Variants in COL23A1 observed in about 807,000 individuals in gnomAD.
COL23A1 encodes the protein collagen type XXIII alpha 1 chain.
A neutral mutation model predicts 99.3 loss-of-function variants in COL23A1; 97 were observed. The ratio of observed to expected loss-of-function variants is 0.98; its 90% confidence interval spans 0.83 to 1.16. The LOEUF (loss-of-function observed/expected upper bound fraction) is 1.16, where lower values mean the gene tolerates loss of function less well. Ranked by LOEUF, COL23A1 falls within the 50% of genes most tolerant of loss-of-function variation. The pLI is 0.00. For missense variants in COL23A1, 762 were observed against 757.4 expected (o/e 1.01, Z -0.07); for synonymous variants, 320 against 308.2 (o/e 1.04, Z -0.40).
In COL23A1 at chr5:178,415,456, G is replaced by A. The variant is rs1452924124; in HGVS notation, c.362-108537C>T. On this transcript the variant is annotated intron_variant, in intron 2 of 28. Transcript: ENST00000390654. The surrounding 1 kb of genome is among the most constrained non-coding windows in gnomAD (Gnocchi z 4.6). ...TCCCCGGGCCCGGGCCCTGGAGCAC[G>A]GCTCACCCTGCTGCCTCTCTGCACA... 6.6e-6 allele frequency among the ~76,000 whole-genome samples: 1 copy of A among 152,006 alleles called. No individual in the cohort carries two copies. Among genetic ancestry groups the A allele is most frequent in the East Asian group, 1.9e-4 (1 of 5,174 alleles).
chr5:178,256,953 G>A, intron 13 of COL23A1, 25 bp from the exon 14 acceptor site: 1 of 1,610,842 alleles, frequency 6.2e-7, no homozygotes, highest in South Asian at 1.1e-5. Flanking sequence ...GCTGCAGTGA[G>A]AGCAAGTGTG....
intron 2 of COL23A1, among the ~76,000 whole-genome samples, chr5:178,477,576 A>G (rs17589948): frequency 0.35 from 53,289 of 152,044 alleles, 11,625 homozygotes; most frequent in Admixed American, 0.49. Flanking sequence ...TTGTACCCAA[A>G]GGGAGAAGTG....
Position 178,280,035 on chromosome 5 carries a change from C to T in COL23A1, c.441+8289G>A, listed in dbSNP as rs951234242. 6.6e-6 allele frequency among the ~76,000 whole-genome samples: 1 copy of T among 152,244 alleles called. No homozygotes were observed. The highest frequency in any genetic ancestry group is 2.4e-5 in the African/African-American group (1 of 41,464). On this transcript the variant is annotated intron_variant, in intron 5 of 28. Transcript: ENST00000390654. The surrounding 1 kb of genome is among the most constrained non-coding windows in gnomAD (Gnocchi z 4.9). The stretch of plus-strand genomic sequence containing the variant: ...AAATGCCGAAGCGCCTCGTACATAA[C>T]GAGAACACAGTAAATACCCGCTGAA...
intron 2 of COL23A1, among the ~76,000 whole-genome samples, chr5:178,347,226 A>G (rs1179369142): frequency 1.3e-5 from 2 of 152,158 alleles, no homozygotes; most frequent in Non-Finnish European, 2.9e-5. Context: ...CTGAAATATG[A>G]CCAGTGTGAC....
At chr5:178,406,516 G>A (rs986457004) in intron 2 of COL23A1, among the ~76,000 whole-genome samples, 3 of 148,076 alleles carry the variant, frequency 2.0e-5, no homozygotes, top group African/African-American at 5.0e-5. Context: ...TGCAATCTCC[G>A]CCTCCTGGAT....
intron 2 of COL23A1, among the ~76,000 whole-genome samples, chr5:178,447,790 G>A (rs1767245343): frequency 6.6e-6 from 1 of 152,176 alleles, no homozygotes; most frequent in South Asian, 2.1e-4. Flanking sequence ...TCTGTTGGAA[G>A]GAGGAGAATA....
At chr5:178,339,480 C>T (rs781050499) in intron 2 of COL23A1, among the ~76,000 whole-genome samples, 6 of 152,236 alleles carry the variant, frequency 3.9e-5, no homozygotes, top group Non-Finnish European at 7.3e-5. Context: ...ACTACAGCCT[C>T]AGATCCTGCA....
At chr5:178,400,434 T>C (rs1363762889) in intron 2 of COL23A1, among the ~76,000 whole-genome samples, 1 of 140,878 alleles carries the variant, frequency 7.1e-6, no homozygotes, top group African/African-American at 2.7e-5. Flanking sequence ...CCGTTCTTTG[T>C]GTTTTGACAA....
intron 27 of COL23A1, among the ~76,000 whole-genome samples, chr5:178,240,876 T>G (rs1764359861): frequency 6.6e-6 from 1 of 152,176 alleles, no homozygotes; most frequent in African/African-American, 2.4e-5. Flanking sequence ...AAAACCCAGC[T>G]GTTCTGTTTT....
At chr5:178,260,248 T>C (rs1360888272) in intron 11 of COL23A1, among the ~76,000 whole-genome samples, 1 of 152,230 alleles carries the variant, frequency 6.6e-6, no homozygotes, top group Non-Finnish European at 1.5e-5. Context: ...TGCCAAAACC[T>C]GGAAGCAGCC....
chr5:178,553,802 T>G (rs977228463), intron 2 of COL23A1, among the ~76,000 whole-genome samples: 4 of 152,184 alleles, frequency 2.6e-5, no homozygotes, highest in Non-Finnish European at 5.9e-5. Context: ...CAGTAAAGTC[T>G]GCCAAGCCCT....
Position 178,326,780 on chromosome 5 carries a change from C to T in COL23A1, c.362-19861G>A, listed in dbSNP as rs185404840. 4.1e-4 allele frequency among the ~76,000 whole-genome samples: 63 copies of T among 152,280 alleles called. 1 individual carries two copies. In the East Asian group the frequency reaches 4.6e-3, roughly 11 times the overall value. On this transcript the variant is annotated intron_variant, in intron 2 of 28. Transcript: ENST00000390654. ...TGTCACCCAGGCTGGAGTGCAGTGG[C>T]GCGATTTCGGCTCACTGCAACCTCT...
rs565092626 is a variant in COL23A1, at chr5:178,548,505, G to A, written c.361+12177C>T. Among the ~76,000 whole-genome samples, 117 of 150,552 alleles carry A rather than the reference G, an allele frequency of 7.8e-4. 5 individuals carry two copies. In the South Asian group the frequency reaches 0.022, roughly 28 times the overall value. ...TCCCCCTCACTCAGTCCACCTCCAC[G>A]TCCTGCCAATGTCCTGTGGGGATCC... On this transcript the variant is annotated intron_variant, in intron 2 of 28. Transcript: ENST00000390654.
intron 2 of COL23A1, among the ~76,000 whole-genome samples, chr5:178,325,031 C>T (rs1759565810): frequency 6.6e-6 from 1 of 151,894 alleles, no homozygotes; most frequent in African/African-American, 2.4e-5. Flanking sequence ...TATCACTATT[C>T]CCAGCTTTGC....
intron 2 of COL23A1, among the ~76,000 whole-genome samples, chr5:178,368,901 C>A (rs1244070367): frequency 1.3e-5 from 2 of 152,252 alleles, no homozygotes; most frequent in African/African-American, 4.8e-5. Flanking sequence ...CACGTCCCTG[C>A]ACCCCGAGGG....
intron 2 of COL23A1, among the ~76,000 whole-genome samples, chr5:178,500,868 A>C (rs1396181335): frequency 6.6e-6 from 1 of 152,186 alleles, no homozygotes. Flanking sequence ...GATAAGTGCA[A>C]CTAGATTAAA....
intron 2 of COL23A1, among the ~76,000 whole-genome samples, chr5:178,505,047 G>A (rs1758787534): frequency 6.6e-6 from 1 of 152,112 alleles, no homozygotes. Flanking sequence ...TGACTGTCTG[G>A]TACTTCTGGA....
chr5:178,377,059 G>A (rs13172345), intron 2 of COL23A1, among the ~76,000 whole-genome samples: 15,918 of 152,224 alleles, frequency 0.1, 1,678 homozygotes, highest in African/African-American at 0.28. Flanking sequence ...GGACAAATGC[G>A]ATGCCCCGCA....
intron 2 of COL23A1, among the ~76,000 whole-genome samples, chr5:178,359,865 A>G (rs1303951356): frequency 1.3e-5 from 2 of 152,212 alleles, no homozygotes; most frequent in African/African-American, 4.8e-5. Context: ...GAAACTAAGC[A>G]TCTTCCTCAA....
Sources: gnomAD v4.1 joint callset for allele counts (sites outside exome capture counted in the v4.1 genomes callset) on GRCh38, gnomAD v4.1.1 for gene constraint, Gnocchi (gnomAD v3.1) non-coding constraint, MANE v1.5 for transcripts, NCBI Gene and HGNC (gene_info 2026-07-23, HGNC 2026-07-21) for gene names.